LAMA3: variants seen among roughly 807,000 people sequenced by gnomAD.
LAMA3 encodes laminin subunit alpha-3.
A neutral mutation model predicts 402.0 loss-of-function variants in LAMA3; 281 were observed. The ratio of observed to expected loss-of-function variants is 0.70; its 90% CI spans 0.63 to 0.77. The LOEUF (loss-of-function observed/expected upper bound fraction) is 0.77. LAMA3 is among the 30% of genes least tolerant of loss of function. The pLI, the probability that LAMA3 is intolerant of heterozygous loss-of-function variation, is 0.00. For missense variants in LAMA3, 3,840 were observed against 4,215.5 expected (o/e 0.91, Z 2.47); for synonymous variants, 1,431 against 1,558.4 (o/e 0.92, Z 1.93).
At chr18:23,770,982 T>A (rs538747544) in intron 8 of LAMA3, among the ~76,000 whole-genome samples, 1 of 152,168 alleles carries the variant, frequency 6.6e-6, no homozygotes, top group East Asian at 1.9e-4. Context: ...CAATGCAGAA[T>A]GGTACAACTA....
chr18:23,846,669 A>G (rs2063823712), intron 31 of LAMA3, among the ~76,000 whole-genome samples, 161 bp downstream of exon 31: 1 of 152,238 alleles, frequency 6.6e-6, no homozygotes, highest in Non-Finnish European at 1.5e-5. Flanking sequence ...CTGAGTCTCT[A>G]CATTTCCAAT....
chr18:23,858,892 A>G (rs2064149970), intron 34 of LAMA3, 63 bp downstream of exon 34: 7 of 1,509,768 alleles, frequency 4.6e-6, no homozygotes, highest in Non-Finnish European at 6.4e-6. Context: ...TGATAAGCAT[A>G]TCCCTCGCTG....
chr18:23,801,278 G>T (rs999519394), intron 12 of LAMA3, among the ~76,000 whole-genome samples: 1 of 152,118 alleles, frequency 6.6e-6, no homozygotes, highest in African/African-American at 2.4e-5. Context: ...AGACACTGGA[G>T]GACACTGGGG....
chr18:23,899,901 G>T (rs190289838), intron 47 of LAMA3, among the ~76,000 whole-genome samples: 131 of 152,050 alleles, frequency 8.6e-4, no homozygotes, highest in African/African-American at 3.0e-3. Context: ...TGATTTTTTT[G>T]GATTTTGGAA....
chr18:23,890,368 G>A (rs1359600591), intron 42 of LAMA3, among the ~76,000 whole-genome samples: 1 of 151,978 alleles, frequency 6.6e-6, no homozygotes, highest in African/African-American at 2.4e-5. Flanking sequence ...TTTAAAAAGT[G>A]AATTGTTTTT....
intron 60 of LAMA3, 71 bp downstream of exon 60, chr18:23,916,766 T>TCA: frequency 6.9e-7 from 1 of 1,458,182 alleles, no homozygotes; most frequent in Non-Finnish European, 9.6e-7. Context: ...GATAACTGGG[T>TCA]TGTTATAAAT....
rs1458860166 is a variant in LAMA3, at chr18:23,714,041, A to G, written c.416A>G (p.Asn139Ser). 4 of 1,614,136 alleles carry G rather than the reference A, an allele frequency of 2.5e-6. No individual in the cohort carries two copies. The highest frequency in any genetic ancestry group is 1.7e-5 in the Admixed American group (1 of 60,026). The change falls in exon 2 of 75, where the codon AAC becomes AGC. Residue 139 changes from asparagine to serine, a missense_variant. Asn to Ser is a conservative substitution (Grantham distance 46). This residue lies in a region of LAMA3 where 2,109 missense variants were observed against 2,376.0 expected (regional missense o/e 0.89). Transcript: ENST00000313654. Reference sequence around the variant, plus strand: ...CCCCTGTCCTCAGGCACACAGTACAACAGAGTCAACCTCACCTTGGATCTG... The same window carrying G: ...CCCCTGTCCTCAGGCACACAGTACAGCAGAGTCAACCTCACCTTGGATCTG... ...SPPLSSGTQYNRVNLTLDLGQ... is the reference protein window; with the variant it reads ...SPPLSSGTQYSRVNLTLDLGQ...
intron 13 of LAMA3, among the ~76,000 whole-genome samples, chr18:23,812,145 T>C (rs999603806): frequency 6.6e-6 from 1 of 152,218 alleles, no homozygotes; most frequent in South Asian, 2.1e-4. Flanking sequence ...AGTGCTGGGA[T>C]TACAGGCGTG....
At chr18:23,780,399 C>T (rs2062413470) in intron 11 of LAMA3, among the ~76,000 whole-genome samples, 2 of 151,884 alleles carry the variant, frequency 1.3e-5, no homozygotes, top group African/African-American at 4.8e-5. Flanking sequence ...AAGGGCTTCC[C>T]CAGAGCAGCA....
chr18:23,783,995 C>A (rs752274343), intron 11 of LAMA3, 28 bp from the exon 12 acceptor site: 4 of 1,613,788 alleles, frequency 2.5e-6, no homozygotes, highest in East Asian at 2.2e-5. Context: ...GATGGAGACC[C>A]CTTCTGAAAG....
At chr18:23,860,014 G>T (rs1317821097) in intron 34 of LAMA3, among the ~76,000 whole-genome samples, 2 of 152,110 alleles carry the variant, frequency 1.3e-5, no homozygotes, top group Non-Finnish European at 2.9e-5. Flanking sequence ...CTGGCCTCAG[G>T]AACTGTGGAC....
intron 61 of LAMA3, 150 bp downstream of exon 61, chr18:23,921,204 C>G: frequency 3.0e-6 from 3 of 990,104 alleles, no homozygotes; most frequent in Non-Finnish European, 4.5e-6. Flanking sequence ...AAAATTTGCA[C>G]ATTTCGGCAT....
chr18:23,912,642 C>T (rs545034806), intron 55 of LAMA3, 69 bp from the exon 56 acceptor site: 2 of 1,335,492 alleles, frequency 1.5e-6, no homozygotes, highest in Admixed American at 1.7e-5. Context: ...GAGTCACAAA[C>T]TAGCTCTCTG....
chr18:23,791,069 T>C (rs1297396402), intron 12 of LAMA3, among the ~76,000 whole-genome samples: 1 of 152,102 alleles, frequency 6.6e-6, no homozygotes, highest in East Asian at 1.9e-4. Flanking sequence ...TTTGTGTTTT[T>C]AGTAGAGACG....
intron 9 of LAMA3, among the ~76,000 whole-genome samples, chr18:23,773,894 G>C (rs2062257459): frequency 6.6e-6 from 1 of 152,114 alleles, no homozygotes; most frequent in South Asian, 2.1e-4. Flanking sequence ...TCCATTTTCT[G>C]TTGTTTTGAC....
chr18:23,851,681 C>T (rs2063948172), intron 32 of LAMA3, among the ~76,000 whole-genome samples: 1 of 152,220 alleles, frequency 6.6e-6, no homozygotes, highest in African/African-American at 2.4e-5. Flanking sequence ...CAGCCACCCT[C>T]ACTCCTGGAT....
chr18:23,910,044 A>G (rs1241088073), intron 55 of LAMA3, among the ~76,000 whole-genome samples: 1 of 152,218 alleles, frequency 6.6e-6, no homozygotes, highest in Non-Finnish European at 1.5e-5. Flanking sequence ...AGGAAAACAA[A>G]GAGCATAAGG....
intron 32 of LAMA3, among the ~76,000 whole-genome samples, chr18:23,848,541 G>A (rs1330439083): frequency 4.6e-5 from 7 of 152,272 alleles, no homozygotes; most frequent in Non-Finnish European, 7.4e-5. Context: ...GGATGGCAGC[G>A]TGCAGGGGAA....
chr18:23,710,257 C>CA, intron 1 of LAMA3: 1 of 572,052 alleles, frequency 1.7e-6, no homozygotes, highest in Non-Finnish European at 3.1e-6. Flanking sequence ...TTAGGAGGGA[C>CA]AGGAGCTTCC....
Sources: gnomAD v4.1 joint callset for allele counts (sites outside exome capture counted in the v4.1 genomes callset) on GRCh38, gnomAD v4.1.1 for gene constraint, gnomAD v4.1.1 regional missense constraint, MANE v1.5 for transcripts, NCBI Gene and HGNC (gene_info 2026-07-23, HGNC 2026-07-21) for gene names.